DLG5: variants seen among roughly 807,000 people sequenced by gnomAD.
DLG5 encodes discs large MAGUK scaffold protein 5.
Under a neutral mutation model 189.8 loss-of-function variants are expected in DLG5, and 48 were observed. The ratio of observed to expected loss-of-function variants is 0.25; its 90% CI spans 0.20 to 0.32. The LOEUF is 0.32. Ranked by LOEUF, DLG5 falls within the 10% of genes least tolerant of loss-of-function variation. The probability of loss-of-function intolerance (pLI) is 1.00; values close to 1 mark genes in which losing one functional copy is unlikely to be tolerated. For missense variants in DLG5, 2,160 were observed against 2,544.7 expected (o/e 0.85, Z 3.25); for synonymous variants, 1,016 against 1,054.1 (o/e 0.96, Z 0.70).
intron 3 of DLG5, 127 bp from the exon 4 acceptor site, chr10:77,854,497 TG>T (rs1431171015): frequency 1.6e-6 from 2 of 1,239,402 alleles, no homozygotes; most frequent in African/African-American, 3.0e-5. Flanking sequence ...CACACACACC[TG>T]GGTGTTTGTT....
chr10:77,864,665 T>C (rs1217783161), intron 2 of DLG5, among the ~76,000 whole-genome samples: 3 of 152,380 alleles, frequency 2.0e-5, no homozygotes, highest in South Asian at 4.1e-4. Flanking sequence ...CGATGCCTGC[T>C]AGAGTTTGAG....
At chr10:77,839,904 T>C (rs1427624367) in intron 7 of DLG5, among the ~76,000 whole-genome samples, 3 of 152,232 alleles carry the variant, frequency 2.0e-5, no homozygotes, top group African/African-American at 7.2e-5. Flanking sequence ...GGCTGGCCCA[T>C]TTTTACCCAC....
intron 7 of DLG5, among the ~76,000 whole-genome samples, chr10:77,838,150 G>A (rs1843239434): frequency 1.3e-5 from 2 of 152,214 alleles, no homozygotes; most frequent in Admixed American, 1.3e-4. Flanking sequence ...GCTGAGCTCA[G>A]CTCCTCAAGC....
rs551799061 is a variant in DLG5, at chr10:77,842,211, G to A, written c.1125-18C>T. ...CCTCAAACCTGGCAAGAGAGGTGGC[G>A]AGATGTGGGAAGGGCGGGGGCCCTG... On this transcript the variant is annotated intron_variant, in intron 6 of 31. Coordinates refer to ENST00000372391, the MANE Select transcript of DLG5 (RefSeq NM_004747.4). The A allele has an allele frequency of 1.9e-5, 30 of 1,594,174 alleles. No individual in the cohort carries two copies. Among genetic ancestry groups the A allele is most frequent in the East Asian group, 1.6e-4 (7 of 44,728 alleles).
At chr10:77,865,928 A>G (rs1384557139) in intron 2 of DLG5, among the ~76,000 whole-genome samples, 6 of 152,172 alleles carry the variant, frequency 3.9e-5, no homozygotes, top group Non-Finnish European at 1.5e-5. Flanking sequence ...TCAGCCTCCA[A>G]TTTCTTCTCA....
intron 17 of DLG5, 149 bp from the exon 18 acceptor site, chr10:77,818,038 G>T: frequency 1.5e-6 from 1 of 658,800 alleles, no homozygotes; most frequent in Non-Finnish European, 2.6e-6. Flanking sequence ...ATAGCAGGCT[G>T]CCCTCAGCCA....
chr10:77,852,855 A>G (rs1844048598), intron 5 of DLG5, among the ~76,000 whole-genome samples: 1 of 152,180 alleles, frequency 6.6e-6, no homozygotes, highest in Non-Finnish European at 1.5e-5. Flanking sequence ...ACAGATATAC[A>G]TATGTGTATG....
chr10:77,845,934 TAAAA>T (rs1209911526), intron 5 of DLG5, among the ~76,000 whole-genome samples: 2 of 97,518 alleles, frequency 2.1e-5, no homozygotes, highest in Non-Finnish European at 3.9e-5. Flanking sequence ...AATCTTTCTT[TAAAA>T]AAAAAAAAAA....
Position 77,854,381 on chromosome 10 carries a change from G to C in DLG5, c.537-11C>G. 4 of 1,613,626 alleles carry C rather than the reference G, an allele frequency of 2.5e-6. No homozygotes were observed. Among genetic ancestry groups the C allele is most frequent in the Non-Finnish European group, 2.5e-6 (3 of 1,179,972 alleles). ...AGCCTGTGGTAGGGCCTGGCCCAGAGAGCGAATGGCCCCATGAACACAGGC... is the reference window on the plus strand; with the variant it reads ...AGCCTGTGGTAGGGCCTGGCCCAGACAGCGAATGGCCCCATGAACACAGGC... On this transcript the variant is annotated splice_polypyrimidine_tract_variant and intron_variant, in intron 3 of 31. Transcript: ENST00000372391.
chr10:77,819,535 C>T (rs1842231153), intron 16 of DLG5, 70 bp from the exon 17 acceptor site: 6 of 1,529,206 alleles, frequency 3.9e-6, no homozygotes, highest in Middle Eastern at 2.4e-4. Context: ...ACAAGCCTTT[C>T]CCCTGTATCC....
At chr10:77,880,466 AAAAC>A (rs780476581) in intron 1 of DLG5, among the ~76,000 whole-genome samples, 20 of 152,162 alleles carry the variant, frequency 1.3e-4, no homozygotes, top group Admixed American at 4.6e-4. Flanking sequence ...AAAATAAATA[AAAAC>A]AAACAAACAA....
chr10:77,852,374 A>C, intron 5 of DLG5, among the ~76,000 whole-genome samples: 1 of 152,012 alleles, frequency 6.6e-6, no homozygotes, highest in East Asian at 1.9e-4. Context: ...TGTCTCAAAA[A>C]AAATAAATAA....
At chr10:77,900,853 T>C (rs1845903225) in intron 1 of DLG5, among the ~76,000 whole-genome samples, 1 of 152,232 alleles carries the variant, frequency 6.6e-6, no homozygotes, top group African/African-American at 2.4e-5. Flanking sequence ...GAGGATTGCT[T>C]GAACCCGGGA....
chr10:77,824,163 G>A (rs564543970), intron 14 of DLG5, among the ~76,000 whole-genome samples: 7 of 152,218 alleles, frequency 4.6e-5, no homozygotes, highest in South Asian at 2.1e-4. Flanking sequence ...TCTAATTATC[G>A]GGTCCAGATT....
rs768068262 is a variant in DLG5 at position 77,926,174 on chromosome 10, G to T, written c.304+43C>A. On this transcript the variant is annotated intron_variant, in intron 1 of 31. Coordinates refer to ENST00000372391, the MANE Select transcript of DLG5 (RefSeq NM_004747.4). The surrounding 1 kb of genome is among the most constrained non-coding windows in gnomAD (Gnocchi z 5.2). ...CCTCGGCCAGCAGGAGGGAGAAGCG[G>T]AGGGCGCGTCCCAGAGGCGGGGGCC... 2.3e-6 allele frequency: 3 copies of T among 1,331,002 alleles called. No individual in the cohort carries two copies. The Admixed American group carries it at 1.1e-4, about 47-fold the overall frequency. The allele number at this position is 1,331,002 out of a possible 1,614,324, so 82.4% of individuals were successfully genotyped here.
the DLG5 span, among the ~76,000 whole-genome samples, chr10:77,934,960 C>T: frequency 4.6e-5 from 7 of 151,674 alleles, no homozygotes; most frequent in East Asian, 1.2e-3. Context: ...CTGGCTCATG[C>T]CATTCTCCTG....
Position 77,926,702 on chromosome 10 carries a change from C to T in DLG5, c.-182G>A, listed in dbSNP as rs1268446933. ...GGCGGCGGGCGGCGCTCAGCAGCGGCCGCCTCCCGGGCTCCGGAGCGCAGC... is the reference window on the plus strand; with the variant it reads ...GGCGGCGGGCGGCGCTCAGCAGCGGTCGCCTCCCGGGCTCCGGAGCGCAGC... On this transcript the variant is annotated 5_prime_UTR_variant, in exon 1 of 32. Coordinates refer to ENST00000372391, the MANE Select transcript of DLG5 (RefSeq NM_004747.4). This position sits in a 1 kb window ranked among gnomAD's most constrained non-coding sequence, Gnocchi z 5.2. 2 of 184,602 alleles carry T rather than the reference C, an allele frequency of 1.1e-5. No homozygotes were observed. Among genetic ancestry groups the T allele is most frequent in the Non-Finnish European group, 2.0e-5 (2 of 98,904 alleles). 11.4% of individuals were successfully genotyped at this position (184,602 alleles called of 1,614,324 possible).
At chr10:77,816,763 C>T (rs1401547258) in intron 19 of DLG5, 62 bp from the exon 20 acceptor site, 1 of 1,561,542 alleles carries the variant, frequency 6.4e-7, no homozygotes, top group African/African-American at 1.4e-5. Context: ...ACAGCCAAGA[C>T]CAAGAGGCAG....
chr10:77,910,942 AG>A, intron 1 of DLG5, among the ~76,000 whole-genome samples: 1 of 141,774 alleles, frequency 7.1e-6, no homozygotes, highest in East Asian at 2.4e-4. Flanking sequence ...ACTGCACTCT[AG>A]TCTGGAGTGC....
Sources: allele counts gnomAD v4.1 joint callset (sites outside exome capture counted in the v4.1 genomes callset), GRCh38; gene constraint gnomAD v4.1.1; non-coding constraint Gnocchi (gnomAD v3.1); transcripts MANE v1.5; gene names NCBI Gene and HGNC (gene_info 2026-07-23, HGNC 2026-07-21).